Variants in APBA2 observed in about 807,000 individuals in gnomAD.
APBA2 encodes the protein amyloid-beta A4 precursor protein-binding family A member 2.
A neutral mutation model predicts 75.0 loss-of-function variants in APBA2; 30 were observed. The ratio of observed to expected loss-of-function variants is 0.40; its 90% confidence interval spans 0.30 to 0.54. The LOEUF (loss-of-function observed/expected upper bound fraction) is 0.54. APBA2 is among the 20% of genes least tolerant of loss of function. The pLI is 0.49. For synonymous variants in APBA2, 444 were observed against 409.6 expected, an observed-to-expected ratio of 1.08 and a Z score of -1.01; for missense variants, 801 against 1,016.1, an observed-to-expected ratio of 0.79 and a Z score of 2.88.
At chr15:28,997,248 C>G (rs1368772242) in intron 3 of APBA2, among the ~76,000 whole-genome samples, 1 of 152,212 alleles carries the variant, frequency 6.6e-6, no homozygotes, top group East Asian at 1.9e-4. Context: ...GCAGGACAAT[C>G]AGCCCTCGTC....
intron 6 of APBA2, among the ~76,000 whole-genome samples, chr15:29,086,955 A>C (rs1196928778): frequency 6.6e-6 from 1 of 152,212 alleles, no homozygotes; most frequent in Non-Finnish European, 1.5e-5. Flanking sequence ...CACTATAGGT[A>C]ACCATTTTGA....
intron 6 of APBA2, among the ~76,000 whole-genome samples, chr15:29,088,551 A>G (rs900822345): frequency 1.4e-4 from 21 of 152,054 alleles, no homozygotes; most frequent in African/African-American, 4.6e-4. Flanking sequence ...CGTCCTGTTG[A>G]TGGACCCCTA....
At chr15:29,039,333 C>T (rs1237150292) in intron 3 of APBA2, among the ~76,000 whole-genome samples, 1 of 152,058 alleles carries the variant, frequency 6.6e-6, no homozygotes, top group Admixed American at 6.6e-5. Flanking sequence ...GCTGTCAGGC[C>T]AGCCCTTAAC....
At chr15:29,076,566 C>G (rs1218207355) in intron 6 of APBA2, among the ~76,000 whole-genome samples, 1 of 151,538 alleles carries the variant, frequency 6.6e-6, no homozygotes, top group East Asian at 1.9e-4. Flanking sequence ...TTCTGTGTCA[C>G]TCTTGGGGAT....
chr15:28,917,180 C>T (rs1454376465), intron 1 of APBA2, among the ~76,000 whole-genome samples: 2 of 152,112 alleles, frequency 1.3e-5, no homozygotes, highest in Non-Finnish European at 2.9e-5. Flanking sequence ...CCTCCCTGCC[C>T]TCCCTCCAAA....
intron 2 of APBA2, among the ~76,000 whole-genome samples, chr15:28,950,622 G>C (rs2152722254): frequency 7.7e-6 from 1 of 130,272 alleles, no homozygotes; most frequent in South Asian, 2.5e-4. Context: ...GTGAGATTCT[G>C]TCTCAAAAAA....
intron 3 of APBA2, among the ~76,000 whole-genome samples, chr15:29,009,884 G>A (rs1566902644): frequency 6.6e-6 from 1 of 152,114 alleles, no homozygotes; most frequent in Non-Finnish European, 1.5e-5. Flanking sequence ...CACATTTGTT[G>A]TACACATGAT....
intron 2 of APBA2, among the ~76,000 whole-genome samples, chr15:28,975,334 A>G (rs1173719101): frequency 2.0e-5 from 3 of 152,226 alleles, no homozygotes; most frequent in Non-Finnish European, 4.4e-5. Context: ...AAACCTTAAG[A>G]TTATTCAATG....
Position 28,886,026 on chromosome 15 carries a change from G to T in APBA2, c.-457G>T, listed in dbSNP as rs960539473. 26 of 149,404 alleles carry T rather than the reference G, an allele frequency of 1.7e-4. No individual in the cohort carries two copies. Among genetic ancestry groups the T allele is most frequent in the African/African-American group, 6.1e-4 (25 of 41,210 alleles). The allele number at this position is 149,404 out of a possible 1,614,324, so 9.3% of individuals were successfully genotyped here. On this transcript the variant is annotated 5_prime_UTR_variant, in exon 1 of 15. Coordinates refer to ENST00000683413, the MANE Select transcript of APBA2 (RefSeq NM_001353788.2). ...GCGGCCGGGGCGGGGGCGCAGGCCCGGCAGCCGCAGGCCGGTGCGGGATGC... is the reference window on the plus strand; with the variant it reads ...GCGGCCGGGGCGGGGGCGCAGGCCCTGCAGCCGCAGGCCGGTGCGGGATGC...
chr15:29,105,250 C>A, intron 10 of APBA2, 129 bp from the exon 11 acceptor site: 1 of 904,690 alleles, frequency 1.1e-6, no homozygotes, highest in Admixed American at 2.5e-5. Flanking sequence ...TTCTTCTAAG[C>A]CCGAGCAAGG....
chr15:29,083,558 T>C (rs2043168427), intron 6 of APBA2, among the ~76,000 whole-genome samples: 1 of 152,166 alleles, frequency 6.6e-6, no homozygotes, highest in Non-Finnish European at 1.5e-5. Flanking sequence ...TGAGACAGAG[T>C]CTCACTCTGT....
intron 9 of APBA2, 48 bp downstream of exon 9, chr15:29,098,624 G>T (rs1431247302): frequency 6.8e-7 from 1 of 1,465,070 alleles, no homozygotes; most frequent in Non-Finnish European, 9.6e-7. Context: ...TCCTAAGTTC[G>T]ACTCCTTCTT....
At chr15:29,065,286 G>A (rs1461791217) in intron 4 of APBA2, among the ~76,000 whole-genome samples, 2 of 152,084 alleles carry the variant, frequency 1.3e-5, no homozygotes, top group Non-Finnish European at 2.9e-5. Flanking sequence ...TGCAGGGCTC[G>A]GTGCAAGAAG....
intron 2 of APBA2, among the ~76,000 whole-genome samples, chr15:28,990,106 G>T (rs1338334258): frequency 1.3e-5 from 2 of 152,304 alleles, no homozygotes; most frequent in East Asian, 3.9e-4. Context: ...GGGGGAAGAG[G>T]GCACGTTTAG....
chr15:28,914,853 C>T (rs1321469963), intron 1 of APBA2, among the ~76,000 whole-genome samples: 1 of 151,876 alleles, frequency 6.6e-6, no homozygotes, highest in Non-Finnish European at 1.5e-5. Context: ...TGGCTGAGGT[C>T]GTCATCGCTG....
intron 2 of APBA2, among the ~76,000 whole-genome samples, chr15:28,935,663 G>A (rs2034821612): frequency 6.6e-6 from 1 of 152,212 alleles, no homozygotes; most frequent in South Asian, 2.1e-4. Context: ...CCTCCCCTCA[G>A]CCTCTCTCCA....
At chr15:28,967,126 T>C (rs2036780275) in intron 2 of APBA2, among the ~76,000 whole-genome samples, 1 of 152,234 alleles carries the variant, frequency 6.6e-6, no homozygotes, top group Non-Finnish European at 1.5e-5. Flanking sequence ...AATAAATTCT[T>C]TAGCTTCTCT....
chr15:29,116,402 G>T (rs1290843780), intron 14 of APBA2, among the ~76,000 whole-genome samples: 1 of 152,096 alleles, frequency 6.6e-6, no homozygotes, highest in Non-Finnish European at 1.5e-5. Context: ...CGAGGCGGGC[G>T]TATCACGAGG....
chr15:28,914,944 C>A lies in APBA2; in HGVS notation c.-204-6696C>A, dbSNP rs1387116473. ...GTGCATAATACACACCACACACATACCATGCCCACCTCACACACACCACAC... is the reference window on the plus strand; with the variant it reads ...GTGCATAATACACACCACACACATAACATGCCCACCTCACACACACCACAC... On this transcript the variant is annotated intron_variant, in intron 1 of 14. Transcript: ENST00000683413. Among the ~76,000 whole-genome samples the A allele has an allele frequency of 2.0e-5, 3 of 150,580 alleles. No homozygotes were observed. In the East Asian group the frequency reaches 5.9e-4, roughly 30 times the overall value.
Sources: gnomAD v4.1 joint callset for allele counts (sites outside exome capture counted in the v4.1 genomes callset) on GRCh38, gnomAD v4.1.1 for gene constraint, MANE v1.5 for transcripts, NCBI Gene and HGNC (gene_info 2026-07-23, HGNC 2026-07-21) for gene names.